Variants in TAB2 observed in about 807,000 individuals in gnomAD.
The protein encoded by TAB2 is TGF-beta-activated kinase 1 and MAP3K7-binding protein 2.
A neutral mutation model predicts 65.0 loss-of-function variants in TAB2; 3 were observed. The ratio of observed to expected loss-of-function variants is 0.05; its 90% CI spans 0.02 to 0.12. TAB2 has a LOEUF of 0.12. TAB2 is among the 10% of genes least tolerant of loss of function. TAB2 has a pLI of 1.00. For synonymous variants in TAB2, 298 were observed against 285.1 expected (o/e 1.05, Z -0.46); for missense variants, 623 against 840.3 (o/e 0.74, Z 3.20).
chr6:149,381,994 G>C (rs1419621915), intron 3 of TAB2, among the ~76,000 whole-genome samples: 2 of 152,074 alleles, frequency 1.3e-5, no homozygotes, highest in Non-Finnish European at 2.9e-5. Context: ...TTTCAACTCA[G>C]CATCCAGGGA....
intron 1 of TAB2, among the ~76,000 whole-genome samples, chr6:149,293,384 T>G (rs1308538512): frequency 6.6e-6 from 1 of 152,228 alleles, no homozygotes; most frequent in Non-Finnish European, 1.5e-5. Context: ...AATTGAAATT[T>G]TTCTCTTTTT....
chr6:149,396,832 A>G (rs34311980), intron 3 of TAB2, among the ~76,000 whole-genome samples: 148 of 152,374 alleles, frequency 9.7e-4, no homozygotes, highest in African/African-American at 3.4e-3. Flanking sequence ...AGTGAAATCA[A>G]TCTGCCTGTT....
intron 1 of TAB2, among the ~76,000 whole-genome samples, chr6:149,265,039 T>A (rs1413765214): frequency 6.6e-6 from 1 of 151,858 alleles, no homozygotes; most frequent in Non-Finnish European, 1.5e-5. Context: ...TAGGATATAC[T>A]CATCTTTAGA....
chr6:149,322,249 C>G (rs931217467), intron 1 of TAB2, among the ~76,000 whole-genome samples: 3 of 151,982 alleles, frequency 2.0e-5, no homozygotes, highest in African/African-American at 7.2e-5. Flanking sequence ...GTGTAATATG[C>G]CTGGGACAAA....
chr6:149,396,971 G>A (rs746670994), intron 3 of TAB2, among the ~76,000 whole-genome samples: 27 of 152,128 alleles, frequency 1.8e-4, no homozygotes, highest in Non-Finnish European at 3.2e-4. Context: ...TGTCCTTTCC[G>A]AGGGTAGATG....
At chr6:149,232,285 T>C (rs923315888) in intron 1 of TAB2, among the ~76,000 whole-genome samples, 18 of 152,078 alleles carry the variant, frequency 1.2e-4, no homozygotes, top group Admixed American at 1.3e-4. Flanking sequence ...TGGAGTGCAG[T>C]GGCACCATCT....
At chr6:149,324,826 CTTTT>C (rs35922173) in intron 1 of TAB2, among the ~76,000 whole-genome samples, 10 of 132,800 alleles carry the variant, frequency 7.5e-5, no homozygotes, top group Admixed American at 7.6e-5. Flanking sequence ...GAAAATATTA[CTTTT>C]TTTTTTTTTT....
chr6:149,276,098 A>T (rs1224237646), intron 1 of TAB2, among the ~76,000 whole-genome samples: 1 of 152,194 alleles, frequency 6.6e-6, no homozygotes, highest in Non-Finnish European at 1.5e-5. Flanking sequence ...GGTTAATAAT[A>T]GGGAAAACTG....
chr6:149,295,865 C>T (rs897546113), intron 1 of TAB2, among the ~76,000 whole-genome samples: 5 of 152,210 alleles, frequency 3.3e-5, no homozygotes, highest in East Asian at 1.9e-4. Flanking sequence ...CTCTGCCTCC[C>T]GGTTCAACCA....
At chr6:149,340,477 TG>T (rs1780079999) in intron 1 of TAB2, among the ~76,000 whole-genome samples, 1 of 152,182 alleles carries the variant, frequency 6.6e-6, no homozygotes, top group African/African-American at 2.4e-5. Context: ...TTACTTAATA[TG>T]TTTTTTTAAA....
intron 1 of TAB2, among the ~76,000 whole-genome samples, chr6:149,263,152 T>A (rs557836937): frequency 6.6e-6 from 1 of 152,274 alleles, no homozygotes; most frequent in East Asian, 1.9e-4. Context: ...GAAAGAGCAT[T>A]CAACTGATCA....
intron 1 of TAB2, among the ~76,000 whole-genome samples, chr6:149,268,030 C>T (rs1476662022): frequency 6.6e-6 from 1 of 152,176 alleles, no homozygotes; most frequent in Non-Finnish European, 1.5e-5. Flanking sequence ...GCAAAATATA[C>T]TCTCCAAAAT....
At position 149,409,872 on chromosome 6, in the gene TAB2, C is replaced by A. The variant is rs1003393687; in HGVS notation, c.*153C>A. On this transcript the variant is annotated 3_prime_UTR_variant, in exon 7 of 7. Transcript: ENST00000637181. ...TAATGTTAAATGTCAGCCCACAGAG[C>A]TAATAATACCTCAGTATAATGTCAT... The A allele has an allele frequency of 5.0e-6, 4 of 798,944 alleles. No individual in the cohort carries two copies. In the African/African-American group the frequency reaches 5.1e-5, roughly 10 times the overall value. The allele number at this position is 798,944 out of a possible 1,614,324, so 49.5% of individuals were successfully genotyped here. A position where few individuals can be genotyped will look rare whatever the true frequency, so the allele number is the denominator to read the frequency against.
At chr6:149,234,087 C>A (rs1471506845) in intron 1 of TAB2, among the ~76,000 whole-genome samples, 2 of 152,194 alleles carry the variant, frequency 1.3e-5, no homozygotes, top group African/African-American at 4.8e-5. Context: ...TATTTTCAAC[C>A]AAGTCTTTAA....
At chr6:149,269,169 C>T (rs78859046) in intron 1 of TAB2, among the ~76,000 whole-genome samples, 2,221 of 152,192 alleles carry the variant, frequency 0.015, 65 homozygotes, top group African/African-American at 0.05. Flanking sequence ...GGCATAATAC[C>T]TAAATAAAAG....
chr6:149,271,344 A>C (rs547958872), intron 1 of TAB2, among the ~76,000 whole-genome samples: 91 of 152,318 alleles, frequency 6.0e-4, no homozygotes, highest in Non-Finnish European at 1.1e-3. Flanking sequence ...TTGGTGTGCT[A>C]GTACATAACT....
intron 1 of TAB2, among the ~76,000 whole-genome samples, chr6:149,300,270 T>C (rs1005760498): frequency 6.6e-6 from 1 of 152,236 alleles, no homozygotes; most frequent in Non-Finnish European, 1.5e-5. Flanking sequence ...CTTGTTTGTA[T>C]GTTTGATTCT....
At chr6:149,235,997 A>G (rs1289286167) in intron 1 of TAB2, among the ~76,000 whole-genome samples, 1 of 152,236 alleles carries the variant, frequency 6.6e-6, no homozygotes. Flanking sequence ...GCACCCAAAA[A>G]GTGAAAAATG....
Position 149,357,430 on chromosome 6 carries a change from A to AAAAAAAAAACAC in TAB2, c.-89-12478_-89-12477insAAAAAAAACACA. ...GACTCCGTCTCAAGGAGAAAAAAAA[A>AAAAAAAAAACAC]ACACACACACACACACACACACACA... On this transcript the variant is annotated intron_variant, in intron 1 of 6. Coordinates refer to ENST00000637181, the MANE Select transcript of TAB2 (RefSeq NM_001292034.3). Among the ~76,000 whole-genome samples the AAAAAAAAAACAC allele has an allele frequency of 9.9e-5, 11 of 111,186 alleles. 2 individuals carry two copies. The South Asian group carries it at 2.1e-3, about 21-fold the overall frequency. 72.9% of individuals were successfully genotyped at this position (111,186 alleles called of 152,430 possible). A position where few individuals can be genotyped will look rare whatever the true frequency, so the allele number is the denominator to read the frequency against.
Sources: allele counts gnomAD v4.1 joint callset (sites outside exome capture counted in the v4.1 genomes callset), GRCh38; gene constraint gnomAD v4.1.1; transcripts MANE v1.5; gene names NCBI Gene and HGNC (gene_info 2026-07-23, HGNC 2026-07-21).